SLC5A1: variants seen among roughly 807,000 people sequenced by gnomAD.
SLC5A1 encodes the protein solute carrier family 5 member 1.
SLC5A1 carries 42 observed loss-of-function variants against 73.5 expected under a neutral mutation model. That is an observed-to-expected ratio of 0.57 (90% confidence interval 0.45 to 0.74). The LOEUF is 0.74. Ranked by LOEUF, SLC5A1 falls within the 30% of genes least tolerant of loss-of-function variation. The pLI is 0.00. For synonymous variants in SLC5A1, 300 were observed against 317.4 expected, an observed-to-expected ratio of 0.95 and a Z score of 0.58; for missense variants, 634 against 855.4, an observed-to-expected ratio of 0.74 and a Z score of 3.23.
At chr22:32,106,927 C>A (rs1474365971) in intron 14 of SLC5A1, among the ~76,000 whole-genome samples, 1 of 152,188 alleles carries the variant, frequency 6.6e-6, no homozygotes, top group Non-Finnish European at 1.5e-5. Flanking sequence ...CCATCAGGAA[C>A]ATCATAGAAT....
chr22:32,055,343 T>G (rs2093950231), intron 2 of SLC5A1, among the ~76,000 whole-genome samples: 1 of 152,178 alleles, frequency 6.6e-6, no homozygotes, highest in African/African-American at 2.4e-5. Context: ...ATATAGGAGC[T>G]CCATCTGATT....
chr22:32,047,289 C>T (rs773912553), intron 1 of SLC5A1, among the ~76,000 whole-genome samples: 2 of 152,164 alleles, frequency 1.3e-5, no homozygotes, highest in Non-Finnish European at 2.9e-5. Flanking sequence ...CCTTTTGTCC[C>T]TCCCCATCAT....
intron 11 of SLC5A1, among the ~76,000 whole-genome samples, chr22:32,097,703 T>A (rs920601903): frequency 1.3e-5 from 2 of 152,250 alleles, no homozygotes; most frequent in African/African-American, 4.8e-5. Context: ...TTTTTACTAT[T>A]TATTAAGTGC....
At chr22:32,079,563 G>C (rs191782500) in intron 5 of SLC5A1, among the ~76,000 whole-genome samples, 7 of 152,292 alleles carry the variant, frequency 4.6e-5, no homozygotes, top group Admixed American at 4.6e-4. Flanking sequence ...GTCTACGATG[G>C]CATGTTGTCA....
intron 2 of SLC5A1, among the ~76,000 whole-genome samples, chr22:32,051,337 T>C (rs1441871148): frequency 6.6e-6 from 1 of 152,100 alleles, no homozygotes; most frequent in Non-Finnish European, 1.5e-5. Context: ...AGATAAGGAA[T>C]CTCAAAGGCT....
Position 32,048,224 on chromosome 22 carries a change from G to A in SLC5A1, c.136-1719G>A, listed in dbSNP as rs2093939737. The stretch of plus-strand genomic sequence containing the variant: ...TATCAGCTACTAACATTATTAGCAA[G>A]TGTTCACTGAGAGAAGCCAATAACA... On this transcript the variant is annotated intron_variant, in intron 1 of 14. Transcript: ENST00000266088. 2.0e-5 allele frequency among the ~76,000 whole-genome samples: 3 copies of A among 151,520 alleles called. No homozygotes were observed. In the South Asian group the frequency reaches 6.3e-4, roughly 32 times the overall value.
chr22:32,093,640 A>C (rs2094021756), intron 11 of SLC5A1, among the ~76,000 whole-genome samples: 1 of 149,772 alleles, frequency 6.7e-6, no homozygotes, highest in Non-Finnish European at 1.5e-5. Context: ...TTTGATTCTC[A>C]GCTTGGTCAC....
At chr22:32,056,415 C>T (rs79763454) in intron 2 of SLC5A1, among the ~76,000 whole-genome samples, 127 of 145,952 alleles carry the variant, frequency 8.7e-4, no homozygotes, top group African/African-American at 3.0e-3. Context: ...GAATTTCAGG[C>T]AAACAATACA....
At chr22:32,056,922 A>G in intron 2 of SLC5A1, among the ~76,000 whole-genome samples, 1 of 152,242 alleles carries the variant, frequency 6.6e-6, no homozygotes, top group East Asian at 1.9e-4. Context: ...CTTCTTCAGA[A>G]TAGCATGTCT....
At chr22:32,088,844 T>A (rs1335631801) in intron 10 of SLC5A1, among the ~76,000 whole-genome samples, 3 of 152,186 alleles carry the variant, frequency 2.0e-5, no homozygotes, top group Non-Finnish European at 4.4e-5. Context: ...TTTCATTCCA[T>A]TTGCAGATTC....
At position 32,084,972 on chromosome 22, in the gene SLC5A1, C is replaced by A. The variant is rs574780583; in HGVS notation, c.958C>A (p.Leu320Ile). The A allele has an allele frequency of 6.2e-7, 1 of 1,614,214 alleles. No individual in the cohort carries two copies. Among genetic ancestry groups the A allele is most frequent in the South Asian group, 1.1e-5 (1 of 91,084 alleles). Residue 320 changes from leucine to isoleucine, a missense_variant, in exon 9 of 15, where the codon CTA (leucine) becomes ATA (isoleucine). This residue lies in a region of SLC5A1 where 422 missense variants were observed against 626.1 expected (regional missense o/e 0.67). Transcript: ENST00000266088. ...GGGTGGCTGCATCCTGTGTGGGTAT[C>A]TAAAGCTGATGCCCATGTTCATCAT... ...VKGGCILCGY[L>I]KLMPMFIMVM...
In SLC5A1 at chr22:32,104,809, G is replaced by C; in HGVS notation, c.1689G>C (p.Leu563=). 6.2e-7 allele frequency: 1 copy of C among 1,614,096 alleles called. No homozygotes were observed. Among genetic ancestry groups the C allele is most frequent in the Non-Finnish European group, 8.5e-7 (1 of 1,179,998 alleles). ...AGCTCTACCGTCTGTGTTGGAGCCTGCGCAACAGCAAAGAGGAGCGTATTG... is the reference window on the plus strand; with the variant it reads ...AGCTCTACCGTCTGTGTTGGAGCCTCCGCAACAGCAAAGAGGAGCGTATTG... ...DVHLYRLCWS[L]RNSKEERIDL... Residue 563 remains leucine (L), a synonymous_variant, in exon 14 of 15, where the codon CTG becomes CTC. Transcript: ENST00000266088.
chr22:32,067,085 T>C (rs1241038474), intron 3 of SLC5A1, 46 bp downstream of exon 3: 1 of 1,429,564 alleles, frequency 7.0e-7, no homozygotes, highest in Non-Finnish European at 9.9e-7. Context: ...GAAGGAGCCT[T>C]AGCAGTCAAC....
At chr22:32,082,372 T>C (rs973414925) in intron 6 of SLC5A1, among the ~76,000 whole-genome samples, 4 of 152,118 alleles carry the variant, frequency 2.6e-5, no homozygotes, top group Non-Finnish European at 5.9e-5. Context: ...TGGGGGTTTG[T>C]GGGGACCATA....
intron 1 of SLC5A1, among the ~76,000 whole-genome samples, chr22:32,046,762 T>C (rs1482088256): frequency 1.3e-5 from 2 of 152,216 alleles, no homozygotes; most frequent in Non-Finnish European, 2.9e-5. Context: ...TCCATGGAGA[T>C]AGAACCCAAG....
intron 1 of SLC5A1, among the ~76,000 whole-genome samples, chr22:32,046,651 G>T (rs765391843): frequency 6.6e-5 from 10 of 152,184 alleles, no homozygotes; most frequent in Admixed American, 6.5e-5. Context: ...GGCCACACTT[G>T]AGGCTTCTCT....
intron 10 of SLC5A1, among the ~76,000 whole-genome samples, chr22:32,091,119 T>TG (rs144560837): frequency 0.045 from 6,832 of 152,060 alleles, 206 homozygotes; most frequent in Non-Finnish European, 0.071. Context: ...TTATATGTTC[T>TG]TATATTAGAC....
In SLC5A1 at chr22:32,111,356, G is replaced by C. The variant is rs769561191; in HGVS notation, c.*1143G>C. ...TGTCCTAAATCTACTCTTCTGATAA[G>C]GACATCAGTCATATTGGAATAGGAC... On this transcript the variant is annotated 3_prime_UTR_variant, in exon 15 of 15. Coordinates refer to ENST00000266088, the MANE Select transcript of SLC5A1 (RefSeq NM_000343.4). 1 of 152,036 alleles carries C rather than the reference G, an allele frequency of 6.6e-6. No homozygotes were observed. The highest frequency in any genetic ancestry group is 1.5e-5 in the Non-Finnish European group (1 of 68,016). The allele number at this position is 152,036 out of a possible 1,614,324, so 9.4% of individuals were successfully genotyped here.
At chr22:32,058,422 T>G (rs906697350) in intron 2 of SLC5A1, among the ~76,000 whole-genome samples, 1 of 152,356 alleles carries the variant, frequency 6.6e-6, no homozygotes, top group Admixed American at 6.5e-5. Flanking sequence ...TTTTCTATTG[T>G]TGGGCCCTTA....
Sources: gnomAD v4.1 joint callset for allele counts (sites outside exome capture counted in the v4.1 genomes callset) on GRCh38, gnomAD v4.1.1 for gene constraint, gnomAD v4.1.1 regional missense constraint, MANE v1.5 for transcripts, NCBI Gene and HGNC (gene_info 2026-07-23, HGNC 2026-07-21) for gene names.